The following SPART variants were observed in gnomAD, a reference collection of about 807,000 sequenced individuals.
SPART encodes spastic paraplegia 20 (Troyer syndrome).
SPART carries 35 observed loss-of-function variants against 58.7 expected under a neutral mutation model. The observed-to-expected ratio is 0.60, with a 90% CI of 0.46 to 0.79. The LOEUF (loss-of-function observed/expected upper bound fraction) is 0.79, where lower values mean the gene tolerates loss of function less well. SPART is among the 30% of genes least tolerant of loss of function. The pLI, the probability that SPART is intolerant of heterozygous loss-of-function variation, is 0.00. For missense variants in SPART, 730 were observed against 786.1 expected, an observed-to-expected ratio of 0.93 and a Z score of 0.85; for synonymous variants, 284 against 280.7, an observed-to-expected ratio of 1.01 and a Z score of -0.12.
At chr13:36,318,680 C>T (rs1429907083) in intron 5 of SPART, among the ~76,000 whole-genome samples, 4 of 152,192 alleles carry the variant, frequency 2.6e-5, no homozygotes, top group South Asian at 4.1e-4. Context: ...AGTGGCCAGG[C>T]GTTCCTCCAG....
At chr13:36,316,914 C>T (rs545162576) in intron 5 of SPART, among the ~76,000 whole-genome samples, 20 of 152,284 alleles carry the variant, frequency 1.3e-4, no homozygotes, top group Admixed American at 3.9e-4. Context: ...ATTTCAAATC[C>T]GGTAAGCGGC....
intron 5 of SPART, among the ~76,000 whole-genome samples, chr13:36,315,241 G>A (rs1488777256): frequency 1.3e-5 from 2 of 152,176 alleles, no homozygotes; most frequent in African/African-American, 4.8e-5. Flanking sequence ...TCAGCCAGTG[G>A]AAATGTGGGG....
chr13:36,312,543 TC>T, intron 6 of SPART, 66 bp from the exon 7 acceptor site: 1 of 1,449,218 alleles, frequency 6.9e-7, no homozygotes, highest in Non-Finnish European at 9.7e-7. Flanking sequence ...TTACCACTCA[TC>T]TTGCAACATT....
At chr13:36,332,225 C>G (rs138259339) in intron 2 of SPART, among the ~76,000 whole-genome samples, 2 of 152,342 alleles carry the variant, frequency 1.3e-5, no homozygotes, top group Admixed American at 1.3e-4. Context: ...GGCACAGTGG[C>G]TCACACCTAT....
intron 5 of SPART, among the ~76,000 whole-genome samples, chr13:36,324,324 G>C (rs7358890): frequency 6.6e-6 from 1 of 151,982 alleles, no homozygotes; most frequent in Non-Finnish European, 1.5e-5. Context: ...CAAGTCACTA[G>C]GTAGAAGCCA....
At chr13:36,307,373 AC>A (rs941352202) in intron 8 of SPART, among the ~76,000 whole-genome samples, 5 of 152,258 alleles carry the variant, frequency 3.3e-5, no homozygotes, top group African/African-American at 1.2e-4. Flanking sequence ...CATTGAAGTT[AC>A]CCCTTCATCC....
chr13:36,337,096 C>T (rs1049412280), intron 1 of SPART, among the ~76,000 whole-genome samples: 10 of 152,148 alleles, frequency 6.6e-5, no homozygotes, highest in Non-Finnish European at 5.9e-5. Context: ...ACAGTGGTCC[C>T]CACTTATGTA....
intron 1 of SPART, among the ~76,000 whole-genome samples, chr13:36,355,012 C>T (rs1171187358): frequency 1.3e-5 from 2 of 152,098 alleles, no homozygotes; most frequent in Admixed American, 6.5e-5. Flanking sequence ...AGTAAGTCTG[C>T]TCTTTAGGAT....
At chr13:36,340,848 T>C (rs1333068048) in intron 1 of SPART, among the ~76,000 whole-genome samples, 1 of 152,212 alleles carries the variant, frequency 6.6e-6, no homozygotes, top group East Asian at 1.9e-4. Flanking sequence ...GGATTAACTC[T>C]AGGGAAAATG....
intron 1 of SPART, among the ~76,000 whole-genome samples, chr13:36,341,124 G>A (rs1287817184): frequency 1.3e-5 from 2 of 152,196 alleles, no homozygotes; most frequent in African/African-American, 4.8e-5. Flanking sequence ...GTACAAAAAA[G>A]ACCAAAAGAA....
intron 8 of SPART, among the ~76,000 whole-genome samples, chr13:36,311,142 G>A (rs572689057): frequency 6.6e-6 from 1 of 152,296 alleles, no homozygotes; most frequent in South Asian, 2.1e-4. Context: ...CAAGTTCCCT[G>A]AGAGAGGGAC....
At chr13:36,366,552 T>C (rs1886062004) in intron 1 of SPART, among the ~76,000 whole-genome samples, 1 of 152,236 alleles carries the variant, frequency 6.6e-6, no homozygotes, top group Admixed American at 6.5e-5. Flanking sequence ...CTGATGCCAT[T>C]TCTGATACTC....
rs376026705 is a variant in SPART at position 36,335,362 on chromosome 13, C to T, written c.469G>A (p.Ala157Thr). 23 of 1,614,102 alleles carry T rather than the reference C, an allele frequency of 1.4e-5. No homozygotes were observed. The highest frequency in any genetic ancestry group is 1.9e-5 in the Non-Finnish European group (22 of 1,180,006). ...CTTTGTGATGGTAAAGACAGAGAAG[C>T]AGGTGCAGCAACTGCCCCTGCACTT... Reference protein sequence around the residue: ...TPSAGAVAAPASLSLPSQSCP... With the variant: ...TPSAGAVAAPTSLSLPSQSCP... The change falls in exon 2 of 9, where the codon GCT becomes ACT. Residue 157 changes from alanine (A) to threonine (T), a missense_variant. Physicochemically the swap from Ala to Thr is moderately conservative, Grantham distance 58. Transcript: ENST00000438666.
At chr13:36,351,475 C>T (rs1593289136) in intron 1 of SPART, among the ~76,000 whole-genome samples, 1 of 152,098 alleles carries the variant, frequency 6.6e-6, no homozygotes, top group African/African-American at 2.4e-5. Flanking sequence ...GTTGTTTTCT[C>T]TTGGCAAAGA....
intron 1 of SPART, chr13:36,336,463 C>G (rs900381246): frequency 1.3e-5 from 2 of 152,368 alleles, no homozygotes; most frequent in African/African-American, 4.8e-5. Context: ...AAAAGGTGTT[C>G]AACATACTAT....
rs1235993028 is a variant in SPART at position 36,302,613 on chromosome 13, A to C, written c.*1752T>G. The C allele has an allele frequency of 6.6e-6, 1 of 152,134 alleles. No homozygotes were observed. Among genetic ancestry groups the C allele is most frequent in the South Asian group, 2.1e-4 (1 of 4,826 alleles). 9.4% of individuals were successfully genotyped at this position (152,134 alleles called of 1,614,324 possible). A position where few individuals can be genotyped will look rare whatever the true frequency, so the allele number is the denominator to read the frequency against. On this transcript the variant is annotated 3_prime_UTR_variant, in exon 9 of 9. Coordinates refer to ENST00000438666, the MANE Select transcript of SPART (RefSeq NM_015087.5). The stretch of plus-strand genomic sequence containing the variant: ...TATTTGCCATTCCATTTCTTTTTAA[A>C]TTTTTATGGGTACATGGTAGGTGTA...
chr13:36,347,491 G>A (rs892466515), upstream of SPART, among the ~76,000 whole-genome samples: 1 of 152,142 alleles, frequency 6.6e-6, no homozygotes, highest in Non-Finnish European at 1.5e-5. Flanking sequence ...GACCTCAAGC[G>A]ATCCACCTGC....
At chr13:36,321,497 C>T (rs1379675669) in intron 5 of SPART, among the ~76,000 whole-genome samples, 5 of 151,784 alleles carry the variant, frequency 3.3e-5, no homozygotes, top group South Asian at 4.2e-4. Context: ...TCTAGGCCAT[C>T]ACCAATCATT....
rs1348768076 is a variant in SPART at position 36,302,360 on chromosome 13, A to G, written c.*2005T>C. 6.6e-6 allele frequency: 1 copy of G among 152,210 alleles called. No homozygotes were observed. The highest frequency in any genetic ancestry group is 1.5e-5 in the Non-Finnish European group (1 of 68,034). The allele number at this position is 152,210 out of a possible 1,614,324, so 9.4% of individuals were successfully genotyped here. On this transcript the variant is annotated 3_prime_UTR_variant, in exon 9 of 9. Coordinates refer to ENST00000438666, the MANE Select transcript of SPART (RefSeq NM_015087.5). ...CTAAGGCAGCACACTTTTTCTGCAA[A>G]GGGCCAGAGAGTGAATAAGTTAGGC...
Sources: gnomAD v4.1 joint callset for allele counts (sites outside exome capture counted in the v4.1 genomes callset) on GRCh38, gnomAD v4.1.1 for gene constraint, MANE v1.5 for transcripts, NCBI Gene and HGNC (gene_info 2026-07-23, HGNC 2026-07-21) for gene names.